The following KHDRBS3 variants were observed in gnomAD, a reference collection of about 807,000 sequenced individuals.
KHDRBS3 encodes the protein KH domain-containing, RNA-binding, signal transduction-associated protein 3.
In KHDRBS3, 23 loss-of-function variants were observed where a neutral mutation model predicts 45.6. The ratio of observed to expected loss-of-function variants is 0.50; its 90% CI spans 0.36 to 0.72. The LOEUF is 0.72. KHDRBS3 is among the 30% of genes least tolerant of loss of function. The probability of loss-of-function intolerance (pLI) is 0.00; values close to 1 mark genes in which losing one functional copy is unlikely to be tolerated. For missense variants in KHDRBS3, 352 were observed against 424.8 expected (o/e 0.83, Z 1.51); for synonymous variants, 162 against 156.5 (o/e 1.04, Z -0.26).
intron 1 of KHDRBS3, among the ~76,000 whole-genome samples, chr8:135,497,507 G>A (rs965947941): frequency 7.2e-5 from 11 of 152,036 alleles, no homozygotes; most frequent in African/African-American, 2.2e-4. Context: ...AGCATCACAA[G>A]CATCTCTTGT....
chr8:135,496,677 A>G (rs1823466040), intron 1 of KHDRBS3, among the ~76,000 whole-genome samples: 1 of 152,210 alleles, frequency 6.6e-6, no homozygotes, highest in Non-Finnish European at 1.5e-5. Context: ...CCTGATGTAT[A>G]TATTTTATTT....
chr8:135,522,666 A>G (rs944662855), intron 2 of KHDRBS3, among the ~76,000 whole-genome samples: 2 of 152,110 alleles, frequency 1.3e-5, no homozygotes, highest in East Asian at 3.9e-4. Context: ...CATTTTGTGC[A>G]ATTTTTCATA....
intron 1 of KHDRBS3, among the ~76,000 whole-genome samples, chr8:135,484,043 G>A (rs893241232): frequency 6.6e-6 from 1 of 152,146 alleles, no homozygotes; most frequent in Admixed American, 6.5e-5. Context: ...TGTCCTGGGG[G>A]AAGTAATTTA....
rs1356499436 is a variant in KHDRBS3 at position 135,469,506 on chromosome 8, G to GT, written c.88+11562dup. ...GTTTCACCATGTTAGCCAGGATGGT[G>GT]TTTTTTTTTTGTTTTGGTTTTTTTT... On this transcript the variant is annotated intron_variant, in intron 1 of 8. Coordinates refer to ENST00000355849, the MANE Select transcript of KHDRBS3 (RefSeq NM_006558.3). Among the ~76,000 whole-genome samples the GT allele has an allele frequency of 1.5e-3, 165 of 111,266 alleles. 2 individuals are homozygous for GT. The highest frequency in any genetic ancestry group is 2.8e-3 in the African/African-American group (70 of 24,760). The allele number at this position is 111,266 out of a possible 152,430, so 73.0% of individuals were successfully genotyped here.
intron 4 of KHDRBS3, among the ~76,000 whole-genome samples, chr8:135,654,247 C>G (rs1038182004): frequency 1.3e-5 from 2 of 152,070 alleles, no homozygotes; most frequent in African/African-American, 4.8e-5. Flanking sequence ...CAACTACTGA[C>G]AGAGATGTAG....
chr8:135,569,185 G>C (rs1173175479), intron 5 of KHDRBS3, among the ~76,000 whole-genome samples: 2 of 152,002 alleles, frequency 1.3e-5, no homozygotes, highest in Non-Finnish European at 2.9e-5. Flanking sequence ...TTAGGAAGAA[G>C]TTTTCTGAAA....
intron 1 of KHDRBS3, among the ~76,000 whole-genome samples, chr8:135,513,129 G>T (rs1431229731): frequency 6.6e-6 from 1 of 152,078 alleles, no homozygotes; most frequent in African/African-American, 2.4e-5. Context: ...GAACCCGGGA[G>T]GCGGAGCTTG....
At chr8:135,601,134 G>T (rs573328892) in intron 6 of KHDRBS3, among the ~76,000 whole-genome samples, 1 of 152,328 alleles carries the variant, frequency 6.6e-6, no homozygotes, top group East Asian at 1.9e-4. Context: ...GAGGTGAGAG[G>T]ACTAAACAGA....
intron 4 of KHDRBS3, 59 bp downstream of exon 4, chr8:135,548,959 G>A: frequency 8.1e-7 from 1 of 1,228,422 alleles, no homozygotes; most frequent in Non-Finnish European, 1.1e-6. Flanking sequence ...TTTAATCCTT[G>A]ATACTTCTTG....
chr8:135,466,280 C>G (rs1169169132), intron 1 of KHDRBS3, among the ~76,000 whole-genome samples: 1 of 152,154 alleles, frequency 6.6e-6, no homozygotes, highest in African/African-American at 2.4e-5. Context: ...TAGCTAGGTT[C>G]TTCACACATT....
chr8:135,534,807 C>T (rs1032843450), intron 2 of KHDRBS3, among the ~76,000 whole-genome samples: 4 of 152,134 alleles, frequency 2.6e-5, no homozygotes, highest in African/African-American at 9.7e-5. Flanking sequence ...AGCTCCAAGC[C>T]TGAGCTTTAA....
intron 7 of KHDRBS3, 77 bp downstream of exon 7, chr8:135,607,114 T>C: frequency 8.6e-7 from 1 of 1,163,064 alleles, no homozygotes; most frequent in Admixed American, 1.9e-5. Context: ...GGGAAAAGTA[T>C]GGCAGTCAGC....
intron 2 of KHDRBS3, among the ~76,000 whole-genome samples, chr8:135,530,098 G>T (rs1048706518): frequency 1.3e-5 from 2 of 151,490 alleles, no homozygotes; most frequent in African/African-American, 2.4e-5. Flanking sequence ...GATGAATTTT[G>T]TTATATTTAA....
chr8:135,636,384 C>A (rs368008983), intron 7 of KHDRBS3, among the ~76,000 whole-genome samples: 9 of 152,186 alleles, frequency 5.9e-5, no homozygotes, highest in Admixed American at 2.0e-4. Flanking sequence ...AAAAAGAATT[C>A]TCATGCAGCT....
chr8:135,501,186 A>G lies in KHDRBS3; in HGVS notation c.89-20051A>G, dbSNP rs560979401. On this transcript the variant is annotated intron_variant, in intron 1 of 8. Transcript: ENST00000355849. ...CTAGAACAGTTTATGGTTGAAAGAT[A>G]TTTAACTTATAAAACAAACAGAAGC... Among the ~76,000 whole-genome samples the G allele has an allele frequency of 7.2e-5, 11 of 152,340 alleles. No homozygotes were observed. The South Asian group carries it at 2.3e-3, about 32-fold the overall frequency.
intron 1 of KHDRBS3, among the ~76,000 whole-genome samples, chr8:135,472,129 A>G (rs1435659498): frequency 6.6e-6 from 1 of 152,192 alleles, no homozygotes; most frequent in Non-Finnish European, 1.5e-5. Context: ...TCTTTATTAG[A>G]ACTTCCGGAT....
intron 1 of KHDRBS3, among the ~76,000 whole-genome samples, chr8:135,464,154 C>T (rs980891204): frequency 5.9e-5 from 9 of 152,284 alleles, no homozygotes; most frequent in Admixed American, 1.3e-4. Context: ...GGTAAAAGGA[C>T]AGAACTCAAC....
chr8:135,621,661 T>TG (rs928533852), intron 7 of KHDRBS3, among the ~76,000 whole-genome samples: 5 of 151,220 alleles, frequency 3.3e-5, no homozygotes, highest in African/African-American at 7.3e-5. Context: ...TAGATGACCA[T>TG]TCTACCAGGC....
Position 135,636,535 on chromosome 8 carries a change from C to T in KHDRBS3, c.891-8524C>T, listed in dbSNP as rs1443744277. Among the ~76,000 whole-genome samples, 4 of 152,134 alleles carry T rather than the reference C, an allele frequency of 2.6e-5. No individual in the cohort carries two copies. In the South Asian group the frequency reaches 6.2e-4, roughly 24 times the overall value. On this transcript the variant is annotated intron_variant, in intron 7 of 8. Coordinates refer to ENST00000355849, the MANE Select transcript of KHDRBS3 (RefSeq NM_006558.3). ...GACTTGATGAAACCCTGAAAGAGTT[C>T]GTGGGTCACACTTTAGAAACCACTA...
Sources: gnomAD v4.1 joint callset for allele counts (sites outside exome capture counted in the v4.1 genomes callset) on GRCh38, gnomAD v4.1.1 for gene constraint, MANE v1.5 for transcripts, NCBI Gene and HGNC (gene_info 2026-07-23, HGNC 2026-07-21) for gene names.